SMARCA1: variants seen among roughly 807,000 people sequenced by gnomAD.
SMARCA1 encodes SNF2 related chromatin remodeling ATPase 1.
In SMARCA1, 17 loss-of-function variants were observed where a neutral mutation model predicts 93.6. The observed-to-expected ratio is 0.18, with a 90% CI of 0.12 to 0.27. The LOEUF (loss-of-function observed/expected upper bound fraction) is 0.27. Among genes scored for constraint, SMARCA1 ranks in the 10% least tolerant of loss-of-function variants. The pLI is 1.00. For synonymous variants in SMARCA1, 271 were observed against 271.4 expected, an observed-to-expected ratio of 1.00 and a Z score of 0.01; for missense variants, 630 against 819.0, an observed-to-expected ratio of 0.77 and a Z score of 2.82.
chrX:129,468,364 T>C (rs1342883922), intron 21 of SMARCA1, among the ~76,000 whole-genome samples: 1 of 111,870 alleles, frequency 8.9e-6, no homozygotes, highest in Non-Finnish European at 1.9e-5. Flanking sequence ...TGTTTGAGCA[T>C]CTAAATGGGC....
rs1935500145 is a variant in SMARCA1, at chrX:129,523,447, A to C, written c.-77T>G. The stretch of plus-strand genomic sequence containing the variant: ...GGGCGGCGGCAGTGGCTGCACTGGA[A>C]AGAGCTAGATGGAGCAGGGGTGGGG... On this transcript the variant is annotated 5_prime_UTR_variant, in exon 1 of 25. Transcript: ENST00000371121. 1.1e-6 allele frequency: 1 copy of C among 872,491 alleles called. No homozygotes were observed. The highest frequency in any genetic ancestry group is 1.6e-6 in the Non-Finnish European group (1 of 632,101). 71.9% of individuals were successfully genotyped at this position (872,491 alleles called of 1,213,427 possible).
At position 129,470,640 on chromosome X, in the gene SMARCA1, G is replaced by A. The variant is rs193295066; in HGVS notation, c.2565+564C>T. 3.0e-3 allele frequency among the ~76,000 whole-genome samples: 334 copies of A among 111,437 alleles called. 2 individuals are homozygous for A. Among genetic ancestry groups the A allele is most frequent in the African/African-American group, 0.01 (317 of 30,642 alleles). ...CAGTTGCACTTTGGGAGGCCGAGGT[G>A]GGTGGATCACTTGAGGTCAGGAGTT... On this transcript the variant is annotated intron_variant, in intron 20 of 24. Coordinates refer to ENST00000371121, the MANE Select transcript of SMARCA1 (RefSeq NM_001282874.2).
intron 12 of SMARCA1, among the ~76,000 whole-genome samples, chrX:129,494,924 G>A (rs945241275): frequency 5.4e-5 from 6 of 112,108 alleles, no homozygotes; most frequent in East Asian, 2.8e-4. Context: ...AGTACAGCAG[G>A]TCCTCAAGTA....
intron 14 of SMARCA1, among the ~76,000 whole-genome samples, 176 bp from the exon 15 acceptor site, chrX:129,490,368 C>T (rs1302249374): frequency 1.8e-5 from 2 of 112,031 alleles, no homozygotes; most frequent in African/African-American, 6.5e-5. Context: ...AAGAAATCTG[C>T]AAATATTATA....
At chrX:129,509,829 CA>C (rs1411404854) in intron 6 of SMARCA1, among the ~76,000 whole-genome samples, 1 of 111,876 alleles carries the variant, frequency 8.9e-6, no homozygotes, top group African/African-American at 3.3e-5. Flanking sequence ...GAAGGGGCCA[CA>C]AAGCACATTG....
At chrX:129,498,526 T>C (rs749051386) in intron 10 of SMARCA1, among the ~76,000 whole-genome samples, 2 of 111,721 alleles carry the variant, frequency 1.8e-5, no homozygotes, top group East Asian at 5.6e-4. Context: ...TCAATGATAA[T>C]ATGTAATTAT....
chrX:129,473,573 T>C (rs992263684), intron 19 of SMARCA1, among the ~76,000 whole-genome samples: 3 of 111,770 alleles, frequency 2.7e-5, no homozygotes, highest in Non-Finnish European at 5.6e-5. Flanking sequence ...ATCAAGAGAA[T>C]GAATAAGCAA....
chrX:129,488,607 C>CT (rs1173783247), intron 16 of SMARCA1, among the ~76,000 whole-genome samples: 4 of 47,332 alleles, frequency 8.5e-5, no homozygotes, highest in Admixed American at 2.8e-4. Context: ...AACCCTGTCT[C>CT]TTTAAAAAAA....
At chrX:129,511,560 T>C (rs1461929453) in intron 6 of SMARCA1, among the ~76,000 whole-genome samples, 1 of 110,188 alleles carries the variant, frequency 9.1e-6, no homozygotes, top group African/African-American at 3.4e-5. Flanking sequence ...CTAAAGCAAA[T>C]GTAGATGAAG....
intron 24 of SMARCA1, 92 bp downstream of exon 24, chrX:129,448,241 C>A: frequency 1.2e-6 from 1 of 834,261 alleles, no homozygotes; most frequent in Non-Finnish European, 1.7e-6. Context: ...TTATTAATAG[C>A]TATCACTATG....
intron 16 of SMARCA1, 124 bp from the exon 17 acceptor site, chrX:129,487,261 A>G (rs1180950348): frequency 2.3e-6 from 1 of 440,322 alleles, no homozygotes; most frequent in Non-Finnish European, 3.7e-6. Context: ...TTTACAAGGT[A>G]TGAATGCAAT....
chrX:129,514,389 G>T (rs1319561055), intron 5 of SMARCA1, among the ~76,000 whole-genome samples: 1 of 111,214 alleles, frequency 9.0e-6, no homozygotes, highest in Non-Finnish European at 1.9e-5. Context: ...ACTTTTTCCT[G>T]TTCAGTTATT....
At chrX:129,505,987 T>A (rs748252683) in intron 8 of SMARCA1, 93 bp downstream of exon 8, 3 of 711,862 alleles carry the variant, frequency 4.2e-6, no homozygotes, top group South Asian at 8.4e-5. Context: ...AATTACAAAT[T>A]AAAAAGTACC....
At chrX:129,519,406 G>C (rs931375544) in intron 1 of SMARCA1, among the ~76,000 whole-genome samples, 1 of 112,001 alleles carries the variant, frequency 8.9e-6, no homozygotes, top group Non-Finnish European at 1.9e-5. Context: ...AAATTTGTTC[G>C]TGAAAACTAT....
At chrX:129,469,599 A>G (rs1602664302) in intron 20 of SMARCA1, among the ~76,000 whole-genome samples, 1 of 112,420 alleles carries the variant, frequency 8.9e-6, no homozygotes, top group East Asian at 2.8e-4. Context: ...CAGACACTGC[A>G]AAACTCTATC....
At chrX:129,497,075 T>C (rs6637605) in intron 11 of SMARCA1, among the ~76,000 whole-genome samples, 13,554 of 110,726 alleles carry the variant, frequency 0.12, 758 homozygotes, top group East Asian at 0.32. Context: ...TTGTTGAGTT[T>C]GGCATTTTTT....
At chrX:129,462,317 T>C (rs1932820359) in intron 23 of SMARCA1, among the ~76,000 whole-genome samples, 1 of 111,964 alleles carries the variant, frequency 8.9e-6, no homozygotes, top group Non-Finnish European at 1.9e-5. Context: ...TCTTTGTATT[T>C]CAGAAATCAC....
intron 23 of SMARCA1, among the ~76,000 whole-genome samples, chrX:129,452,380 A>T (rs1476268192): frequency 8.9e-6 from 1 of 112,396 alleles, no homozygotes; most frequent in Non-Finnish European, 1.9e-5. Context: ...ACAGCACACA[A>T]GAGGAAAAGA....
chrX:129,501,994 T>C (rs1231253544), intron 9 of SMARCA1, among the ~76,000 whole-genome samples: 1 of 112,036 alleles, frequency 8.9e-6, no homozygotes, highest in Non-Finnish European at 1.9e-5. Flanking sequence ...AGAACTTAAG[T>C]ATATAGCAGA....
Sources: gnomAD v4.1 joint callset for allele counts (sites outside exome capture counted in the v4.1 genomes callset) on GRCh38, gnomAD v4.1.1 for gene constraint, MANE v1.5 for transcripts, NCBI Gene and HGNC (gene_info 2026-07-23, HGNC 2026-07-21) for gene names.